SEC11C: variants seen among roughly 807,000 people sequenced by gnomAD.
The protein encoded by SEC11C is SEC11 homolog C, signal peptidase complex subunit.
A neutral mutation model predicts 21.9 loss-of-function variants in SEC11C; 10 were observed. The observed-to-expected ratio is 0.46, with a 90% confidence interval of 0.28 to 0.77. SEC11C has a LOEUF of 0.77. Ranked by LOEUF, SEC11C falls within the 30% of genes least tolerant of loss-of-function variation. SEC11C has a pLI of 0.12. For missense variants in SEC11C, 145 were observed against 244.5 expected (o/e 0.59, Z 2.71); for synonymous variants, 83 against 85.6 (o/e 0.97, Z 0.17).
rs1201329095 is a variant in SEC11C, at chr18:59,139,913, G to C, written c.-36G>C. 6.8e-7 allele frequency: 1 copy of C among 1,480,692 alleles called. No individual in the cohort carries two copies. The highest frequency in any genetic ancestry group is 1.5e-5 in the African/African-American group (1 of 68,850). The allele number at this position is 1,480,692 out of a possible 1,614,324, so 91.7% of individuals were successfully genotyped here. A position where few individuals can be genotyped will look rare whatever the true frequency, so the allele number is the denominator to read the frequency against. ...GCTCCGCAGCCGTCTGTGCCACCCAGAGCCGGCGGGCCGCTAGGTCCCCGG... is the reference window on the plus strand; with the variant it reads ...GCTCCGCAGCCGTCTGTGCCACCCACAGCCGGCGGGCCGCTAGGTCCCCGG... On this transcript the variant is annotated 5_prime_UTR_variant, in exon 1 of 6. Transcript: ENST00000587834.
At chr18:59,141,021 C>G (rs2069204129) in intron 1 of SEC11C, among the ~76,000 whole-genome samples, 1 of 152,122 alleles carries the variant, frequency 6.6e-6, no homozygotes. Context: ...TTTTGATTGT[C>G]TTTGAAAATG....
At chr18:59,140,205 G>A (rs1030938555) in intron 1 of SEC11C, among the ~76,000 whole-genome samples, 170 bp downstream of exon 1, 1 of 152,386 alleles carries the variant, frequency 6.6e-6, no homozygotes, top group South Asian at 2.1e-4. Flanking sequence ...GTGGGCATGG[G>A]TGTGCACTTC....
intron 3 of SEC11C, among the ~76,000 whole-genome samples, chr18:59,153,748 C>T (rs1030868207): frequency 6.6e-6 from 1 of 151,226 alleles, no homozygotes; most frequent in Admixed American, 6.6e-5. Flanking sequence ...GCTCTGTCTC[C>T]TAGGCTGGAG....
chr18:59,142,109 T>C (rs1172997502), intron 1 of SEC11C, among the ~76,000 whole-genome samples: 1 of 152,182 alleles, frequency 6.6e-6, no homozygotes. Flanking sequence ...TCAAAATTAC[T>C]TTTCTGGATT....
At chr18:59,149,322 A>C (rs1372372000) in intron 1 of SEC11C, among the ~76,000 whole-genome samples, 191 bp from the exon 2 acceptor site, 7 of 152,336 alleles carry the variant, frequency 4.6e-5, no homozygotes, top group African/African-American at 1.2e-4. Flanking sequence ...TCTCTCACTT[A>C]AGGAGAGATG....
chr18:59,155,837 G>T, intron 4 of SEC11C, 30 bp downstream of exon 4: 1 of 1,607,714 alleles, frequency 6.2e-7, no homozygotes, highest in South Asian at 1.1e-5. Flanking sequence ...TTATATAGAA[G>T]GTTATGAAAA....
intron 2 of SEC11C, among the ~76,000 whole-genome samples, chr18:59,151,700 G>A (rs1199571615): frequency 1.3e-5 from 2 of 152,116 alleles, no homozygotes; most frequent in Non-Finnish European, 2.9e-5. Flanking sequence ...GCACCACGGA[G>A]CTTCAGTGGT....
chr18:59,157,685 T>A lies in SEC11C; in HGVS notation c.525+20T>A. On this transcript the variant is annotated intron_variant, in intron 5 of 5. Transcript: ENST00000587834. ...TTCAAGGTAGGAATTTATGTGTGTC[T>A]ATATTTATTTACTTCGTTAAATATT... The A allele has an allele frequency of 6.7e-7, 1 of 1,500,614 alleles. No homozygotes were observed. Among genetic ancestry groups the A allele is most frequent in the Admixed American group, 1.7e-5 (1 of 59,282 alleles). The allele number at this position is 1,500,614 out of a possible 1,614,324, so 93.0% of individuals were successfully genotyped here. A position where few individuals can be genotyped will look rare whatever the true frequency, so the allele number is the denominator to read the frequency against.
intron 1 of SEC11C, among the ~76,000 whole-genome samples, chr18:59,141,821 C>T (rs766714142): frequency 8.5e-5 from 13 of 152,210 alleles, no homozygotes; most frequent in Non-Finnish European, 1.9e-4. Context: ...CTCTTTGTTT[C>T]TGCAGTGAGG....
intron 1 of SEC11C, among the ~76,000 whole-genome samples, chr18:59,146,607 G>A (rs566615601): frequency 2.6e-5 from 4 of 152,234 alleles, no homozygotes; most frequent in East Asian, 3.9e-4. Flanking sequence ...GGTGAGGGCC[G>A]ACAGTTATCC....
At chr18:59,149,662 C>A in intron 2 of SEC11C, 40 bp downstream of exon 2, 1 of 1,345,868 alleles carries the variant, frequency 7.4e-7, no homozygotes, top group Non-Finnish European at 1.1e-6. Context: ...CAACCTCCAT[C>A]ACAAGGCTGC....
Position 59,149,726 on chromosome 18 carries a change from A to G in SEC11C, c.197+104A>G, listed in dbSNP as rs76533239. 910 of 584,086 alleles carry G rather than the reference A, an allele frequency of 1.6e-3. 5 individuals carry two copies. The highest frequency in any genetic ancestry group is 0.011 in the South Asian group (358 of 32,996). The allele number at this position is 584,086 out of a possible 1,614,324, so 36.2% of individuals were successfully genotyped here. ...AGTGAAAACCTGCGTGACAGCTAAA[A>G]TTCAAGATTTTAATTGGATAAATTA... On this transcript the variant is annotated intron_variant, in intron 2 of 5. Coordinates refer to ENST00000587834, the MANE Select transcript of SEC11C (RefSeq NM_033280.4).
chr18:59,152,451 T>G (rs1289098758), intron 2 of SEC11C, 85 bp from the exon 3 acceptor site: 2 of 1,413,946 alleles, frequency 1.4e-6, no homozygotes, highest in East Asian at 4.8e-5. Context: ...CCTACTTGAC[T>G]ATTGAGTTTC....
chr18:59,139,998 A>C lies in SEC11C; in HGVS notation c.50A>C (p.Asp17Ala). The change falls in exon 1 of 6, where the codon GAT becomes GCT. Residue 17 changes from aspartate (D) to alanine (A), a missense_variant. Physicochemically the swap from Asp to Ala is moderately radical, Grantham distance 126. Coordinates refer to ENST00000587834, the MANE Select transcript of SEC11C (RefSeq NM_033280.4). The stretch of plus-strand genomic sequence containing the variant: ...GCTCATCTCCCCGCGTCCGGCTTGG[A>C]TATCTTCGGGGACCTGAAGAAGATG... Reference protein sequence around the residue: ...VGAHLPASGLDIFGDLKKMNK... With the variant: ...VGAHLPASGLAIFGDLKKMNK... The C allele has an allele frequency of 6.3e-7, 1 of 1,595,380 alleles. No homozygotes were observed. The highest frequency in any genetic ancestry group is 8.6e-7 in the Non-Finnish European group (1 of 1,169,116).
At chr18:59,148,038 G>C (rs1270109781) in intron 1 of SEC11C, 1 of 152,346 alleles carries the variant, frequency 6.6e-6, no homozygotes, top group Non-Finnish European at 1.5e-5. Flanking sequence ...AGAGACCCAC[G>C]TGGGGATAGA....
intron 1 of SEC11C, chr18:59,147,447 C>G (rs1333122367): frequency 6.6e-6 from 1 of 152,110 alleles, no homozygotes; most frequent in Non-Finnish European, 1.5e-5. Context: ...ATATTAATAG[C>G]AAGGAGAGTT....
chr18:59,140,847 G>T (rs1039367577), intron 1 of SEC11C, among the ~76,000 whole-genome samples: 2 of 152,090 alleles, frequency 1.3e-5, no homozygotes, highest in African/African-American at 4.8e-5. Context: ...AGAGTGAGTA[G>T]GGATTGGAAA....
intron 1 of SEC11C, among the ~76,000 whole-genome samples, chr18:59,143,338 G>A (rs11663888): frequency 0.36 from 49,012 of 137,950 alleles, 9,366 homozygotes; most frequent in African/African-American, 0.54. Flanking sequence ...GGGCAACAGA[G>A]TGAGACTCCA....
At chr18:59,152,822 T>C in intron 3 of SEC11C, 137 bp downstream of exon 3, 1 of 662,064 alleles carries the variant, frequency 1.5e-6, no homozygotes, top group South Asian at 2.4e-5. Context: ...GACCAAATGC[T>C]TAACTCTTTC....
Sources: gnomAD v4.1 joint callset for allele counts (sites outside exome capture counted in the v4.1 genomes callset) on GRCh38, gnomAD v4.1.1 for gene constraint, MANE v1.5 for transcripts, NCBI Gene and HGNC (gene_info 2026-07-23, HGNC 2026-07-21) for gene names.